Variants in SQSTM1 observed in about 807,000 individuals in gnomAD.
The protein encoded by SQSTM1 is sequestosome-1.
SQSTM1 carries 36 observed loss-of-function variants against 45.1 expected under a neutral mutation model. The observed-to-expected ratio is 0.80, with a 90% confidence interval of 0.61 to 1.05. The LOEUF (loss-of-function observed/expected upper bound fraction) is 1.05, where lower values mean the gene tolerates loss of function less well. Ranked by LOEUF, SQSTM1 falls within the 50% of genes least tolerant of loss-of-function variation. The pLI is 0.00. For missense variants in SQSTM1, 617 were observed against 607.1 expected, an observed-to-expected ratio of 1.02 and a Z score of -0.17; for synonymous variants, 290 against 244.3, an observed-to-expected ratio of 1.19 and a Z score of -1.74.
intron 2 of SQSTM1, among the ~76,000 whole-genome samples, chr5:179,823,355 A>C (rs1757855863): frequency 7.0e-6 from 1 of 142,442 alleles, no homozygotes; most frequent in Non-Finnish European, 1.5e-5. Context: ...AGTCCCAGCT[A>C]CTCAGGAGGC....
In SQSTM1 at chr5:179,833,729, A is replaced by T; in HGVS notation, c.1112A>T (p.Gln371Leu). The T allele has an allele frequency of 6.2e-7, 1 of 1,614,150 alleles. No homozygotes were observed. The highest frequency in any genetic ancestry group is 1.3e-5 in the African/African-American group (1 of 75,044). The change falls in exon 7 of 8, where the codon CAG becomes CTG. Residue 371 changes from glutamine to leucine, a missense_variant. By Grantham distance (113) the Gln-to-Leu change is moderately radical (BLOSUM62 -2). Transcript: ENST00000389805. ...SEGPSSLDPS[Q>L]EGPTGLKEAA... ...GGGCCAAGCTCTCTGGACCCCTCCCAGGAGGGACCCACAGGGCTGAAGGAA... is the reference window on the plus strand; with the variant it reads ...GGGCCAAGCTCTCTGGACCCCTCCCTGGAGGGACCCACAGGGCTGAAGGAA...
chr5:179,812,430 G>T (rs1310968524), intron 2 of SQSTM1: 6 of 152,246 alleles, frequency 3.9e-5, no homozygotes, highest in Non-Finnish European at 7.3e-5. Context: ...TCCGGAGGCC[G>T]CCTGGACTGC....
At chr5:179,812,735 A>T (rs1757467430) in intron 2 of SQSTM1, 1 of 152,254 alleles carries the variant, frequency 6.6e-6, no homozygotes. Context: ...AGCACAGGGA[A>T]GTTCTCCAGT....
At chr5:179,835,043 C>G in intron 7 of SQSTM1, 1 of 219,970 alleles carries the variant, frequency 4.5e-6, no homozygotes, top group Non-Finnish European at 9.3e-6. Context: ...CTCCTCACTT[C>G]TCAGACGGGG....
chr5:179,820,793 G>C (rs1252121174), upstream of SQSTM1: 3 of 764,690 alleles, frequency 3.9e-6, no homozygotes, highest in African/African-American at 5.6e-5. Flanking sequence ...GGCGGCTCTC[G>C]CGCCGCGACG....
rs1161244157 is a variant in SQSTM1, at chr5:179,836,462, C to G, written c.1192C>G (p.Leu398Val). Residue 398 changes from leucine (L) to valine (V), a missense_variant, in exon 8 of 8, where the codon CTC becomes GTC. Transcript: ENST00000389805. Reference protein sequence around the residue: ...PEADPRLIESLSQMLSMGFSD... With the variant: ...PEADPRLIESVSQMLSMGFSD... Reference sequence around the variant, plus strand: ...GGCTGACCCGCGGCTGATTGAGTCCCTCTCCCAGATGCTGTCCATGGGCTT... The same window carrying G: ...GGCTGACCCGCGGCTGATTGAGTCCGTCTCCCAGATGCTGTCCATGGGCTT... The G allele has an allele frequency of 6.2e-7, 1 of 1,614,228 alleles. No individual in the cohort carries two copies. The highest frequency in any genetic ancestry group is 8.5e-7 in the Non-Finnish European group (1 of 1,180,054).
upstream of SQSTM1, among the ~76,000 whole-genome samples, chr5:179,818,012 C>CAAAAAAAAA (rs528143529): frequency 1.3e-3 from 38 of 29,188 alleles, 7 homozygotes; most frequent in East Asian, 3.4e-3. Context: ...GAGACTGTCT[C>CAAAAAAAAA]AAAAAAAAAA....
rs2113524838 is a variant in SQSTM1, at chr5:179,836,619, G to C, written c.*26G>C. ...CCACTTTTGCCCACCTCTTCTGCGTGCCCCTCTTCTGTCTCATAGTTGTGT... is the reference window on the plus strand; with the variant it reads ...CCACTTTTGCCCACCTCTTCTGCGTCCCCCTCTTCTGTCTCATAGTTGTGT... On this transcript the variant is annotated 3_prime_UTR_variant, in exon 8 of 8. Transcript: ENST00000389805. The C allele has an allele frequency of 6.2e-7, 1 of 1,611,584 alleles. No individual in the cohort carries two copies. The highest frequency in any genetic ancestry group is 8.5e-7 in the Non-Finnish European group (1 of 1,179,976).
At chr5:179,823,607 G>C (rs1757873940) in intron 2 of SQSTM1, 3 of 573,378 alleles carry the variant, frequency 5.2e-6, no homozygotes, top group African/African-American at 1.9e-5. Flanking sequence ...TGAAGGGCAA[G>C]GCCAAAGCTG....
intron 7 of SQSTM1, among the ~76,000 whole-genome samples, chr5:179,834,402 CTTATTTTTGTTTATTTATTTAT>C (rs1014729865): frequency 3.8e-5 from 4 of 105,672 alleles, no homozygotes; most frequent in African/African-American, 1.9e-4. Context: ...AAGAGTAGTT[CTTATTTTTGTTTATTTATTTAT>C]TTATTTTTAT....
rs145037913 is a variant in SQSTM1, at chr5:179,824,012, C to A, written c.456C>A (p.Ser152Arg). Residue 152 changes from serine (S) to arginine (R), a missense_variant, in exon 3 of 8, where the codon AGC (serine) becomes AGA (arginine). Ser to Arg is a moderately radical substitution (Grantham distance 110). Coordinates refer to ENST00000389805, the MANE Select transcript of SQSTM1 (RefSeq NM_003900.5). Reference protein sequence around the residue: ...CSVCPDYDLCSVCEGKGLHRG... With the variant: ...CSVCPDYDLCRVCEGKGLHRG... ...TCTGCCCAGACTACGACTTGTGTAG[C>A]GTCTGCGAGGGAAAGGGCTTGCACC... is the stretch of plus-strand genomic sequence containing the variant. The A allele has an allele frequency of 6.2e-7, 1 of 1,614,006 alleles. No individual in the cohort carries two copies. The highest frequency in any genetic ancestry group is 1.1e-5 in the South Asian group (1 of 91,082).
At chr5:179,835,417 A>T (rs1179712350) in intron 7 of SQSTM1, 1 of 156,158 alleles carries the variant, frequency 6.4e-6, no homozygotes, top group East Asian at 1.9e-4. Flanking sequence ...AGTGAACCAG[A>T]CTCCGTCTGC....
chr5:179,834,399 G>GTTA (rs1758406798), intron 7 of SQSTM1, among the ~76,000 whole-genome samples: 1 of 135,684 alleles, frequency 7.4e-6, no homozygotes, highest in Admixed American at 7.7e-5. Context: ...GCCAAGAGTA[G>GTTA]TTCTTATTTT....
chr5:179,819,903 C>T (rs1685624463), upstream of SQSTM1, among the ~76,000 whole-genome samples: 1 of 152,180 alleles, frequency 6.6e-6, no homozygotes, highest in African/African-American at 2.4e-5. Context: ...CTCTGGGTTT[C>T]CTCCCCTGGG....
chr5:179,819,857 G>A (rs1190144864), upstream of SQSTM1, among the ~76,000 whole-genome samples: 1 of 152,128 alleles, frequency 6.6e-6, no homozygotes, highest in Non-Finnish European at 1.5e-5. Context: ...CATCACCTTC[G>A]CACCTGACTG....
intron 1 of SQSTM1, 44 bp downstream of exon 1, chr5:179,821,185 CA>C: frequency 7.6e-7 from 1 of 1,317,560 alleles, no homozygotes; most frequent in Non-Finnish European, 9.7e-7. Context: ...GCAGGCCGGA[CA>C]CGGCCTCCTG....
At position 179,820,950 on chromosome 5, in the gene SQSTM1, C is replaced by T. The variant is rs1050354862; in HGVS notation, c.14C>T (p.Thr5Ile). Residue 5 changes from threonine to isoleucine, a missense_variant, in exon 1 of 8, where the codon ACC (threonine) becomes ATC (isoleucine). Thr to Ile is a moderately conservative substitution (Grantham distance 89). Transcript: ENST00000389805. Reference sequence around the variant, plus strand: ...TCGCCGCTCGCTATGGCGTCGCTCACCGTGAAGGCCTACCTTCTGGGCAAG... The same window carrying T: ...TCGCCGCTCGCTATGGCGTCGCTCATCGTGAAGGCCTACCTTCTGGGCAAG... MASLTVKAYLLGKED... is the reference protein window; with the variant it reads MASLIVKAYLLGKED... 3 of 1,562,018 alleles carry T rather than the reference C, an allele frequency of 1.9e-6. No individual in the cohort carries two copies. The highest frequency in any genetic ancestry group is 1.4e-5 in the African/African-American group (1 of 70,962).
intron 7 of SQSTM1, chr5:179,835,694 A>C: frequency 6.5e-6 from 1 of 154,860 alleles, no homozygotes; most frequent in Admixed American, 6.3e-5. Context: ...GGGAGAGGGA[A>C]AGCTATATCA....
rs1758320271 is a variant in SQSTM1 at position 179,833,115 on chromosome 5, GAGA to G, written c.842_844del (p.Lys281del). The G allele has an allele frequency of 1.2e-6, 2 of 1,614,054 alleles. No individual in the cohort carries two copies. The highest frequency in any genetic ancestry group is 1.7e-5 in the Admixed American group (1 of 60,000). On this transcript the variant is annotated inframe_deletion, in exon 6 of 8. Transcript: ENST00000389805. ...CTCTCCAGAGAGTTCCAGCACAGAG[GAGA>G]AGAGCAGCTCACAGCCAAGCAGCTG...
Sources: gnomAD v4.1 joint callset for allele counts (sites outside exome capture counted in the v4.1 genomes callset) on GRCh38, gnomAD v4.1.1 for gene constraint, MANE v1.5 for transcripts, NCBI Gene and HGNC (gene_info 2026-07-23, HGNC 2026-07-21) for gene names.